ANKFN1: variants seen among roughly 807,000 people sequenced by gnomAD.
ANKFN1 encodes the protein ankyrin repeat and fibronectin type-III domain-containing protein 1.
ANKFN1 carries 74 observed loss-of-function variants against 108.7 expected under a neutral mutation model. The observed-to-expected ratio is 0.68, with a 90% CI of 0.56 to 0.83. The LOEUF is 0.83. Among genes scored for constraint, ANKFN1 ranks in the 40% least tolerant of loss-of-function variants. The pLI, the probability that ANKFN1 is intolerant of heterozygous loss-of-function variation, is 0.00. For synonymous variants in ANKFN1, 547 were observed against 516.2 expected (o/e 1.06, Z -0.81); for missense variants, 1,505 against 1,382.3 (o/e 1.09, Z -1.41).
intron 1 of ANKFN1, among the ~76,000 whole-genome samples, chr17:56,168,750 A>C (rs1910385939): frequency 6.6e-6 from 1 of 152,180 alleles, no homozygotes; most frequent in South Asian, 2.1e-4. Context: ...TATTATTATG[A>C]GGCATCTTTT....
intron 11 of ANKFN1, among the ~76,000 whole-genome samples, chr17:56,453,065 C>T (rs2049547808): frequency 1.3e-5 from 2 of 151,790 alleles, no homozygotes; most frequent in Non-Finnish European, 2.9e-5. Context: ...CCATTTTTTT[C>T]CTCCCCAAAG....
rs1465454531 is a variant in ANKFN1, at chr17:56,055,571, ATATATATATATATATATG to A, written c.288+9255_288+9272del. On this transcript the variant is annotated intron_variant, in intron 4 of 12. Coordinates refer to the ANKFN1 transcript ENST00000635860. ...GTGTGTGTGTGGTATATATACATATATATATATATATATATATGTATATATACACATTTTTTTATCCAG... is the reference window on the plus strand; with the variant it reads ...GTGTGTGTGTGGTATATATACATATATATATATACACATTTTTTTATCCAG... 1.7e-3 allele frequency among the ~76,000 whole-genome samples: 174 copies of A among 101,768 alleles called. 10 individuals carry two copies. The highest frequency in any genetic ancestry group is 5.2e-3 in the Admixed American group (58 of 11,092). 66.8% of individuals were successfully genotyped at this position (101,768 alleles called of 152,430 possible). A position where few individuals can be genotyped will look rare whatever the true frequency, so the allele number is the denominator to read the frequency against.
At position 56,408,604 on chromosome 17, in the gene ANKFN1, T is replaced by A. The variant is rs1238720543; in HGVS notation, c.911-31723T>A. ...TATTGCAGAAAAAGAGATGAGATGG[T>A]CAGAGATACTAAGGTTAGATTATTG... On this transcript the variant is annotated intron_variant, in intron 8 of 20. Transcript: ENST00000682825. Among the ~76,000 whole-genome samples, 4 of 152,292 alleles carry A rather than the reference T, an allele frequency of 2.6e-5. No homozygotes were observed. In the East Asian group the frequency reaches 7.7e-4, roughly 29 times the overall value.
chr17:56,314,335 A>G (rs1304434477), intron 3 of ANKFN1, among the ~76,000 whole-genome samples: 2 of 152,188 alleles, frequency 1.3e-5, no homozygotes, highest in South Asian at 2.1e-4. Flanking sequence ...TTAACTTTGT[A>G]AAAGACTGTC....
intron 4 of ANKFN1, among the ~76,000 whole-genome samples, chr17:56,125,177 C>A (rs898906473): frequency 1.3e-5 from 2 of 152,216 alleles, no homozygotes; most frequent in African/African-American, 4.8e-5. Context: ...GGAATTGACA[C>A]TTTTGACCTT....
At chr17:56,112,967 C>T (rs758956551) in intron 4 of ANKFN1, among the ~76,000 whole-genome samples, 24 of 152,086 alleles carry the variant, frequency 1.6e-4, no homozygotes, top group African/African-American at 5.3e-4. Context: ...TTCTATATGA[C>T]GTAGTATTTC....
chr17:56,341,151 T>C lies in ANKFN1; in HGVS notation c.189-9615T>C, dbSNP rs140394270. 5.6e-3 allele frequency among the ~76,000 whole-genome samples: 845 copies of C among 152,246 alleles called. 5 individuals carry two copies. The highest frequency in any genetic ancestry group is 0.018 in the African/African-American group (768 of 41,558). On this transcript the variant is annotated intron_variant, in intron 4 of 20. Coordinates refer to ENST00000682825, the MANE Select transcript of ANKFN1 (RefSeq NM_001370326.1). ...ATGCTAGTAGTTTTGGCACATTGAT[T>C]TTGTATCCTGAGACTTTGCTAAAGT...
chr17:56,212,097 T>C (rs1356633406), intron 1 of ANKFN1, among the ~76,000 whole-genome samples: 1 of 151,926 alleles, frequency 6.6e-6, no homozygotes, highest in Non-Finnish European at 1.5e-5. Flanking sequence ...GCAGCGAGAG[T>C]GGGCATCCTT....
intron 1 of ANKFN1, among the ~76,000 whole-genome samples, chr17:56,193,194 T>C (rs1439845994): frequency 5.2e-5 from 6 of 115,662 alleles, no homozygotes; most frequent in Admixed American, 1.0e-4. Flanking sequence ...TAGGTGGGAA[T>C]TGAACAATGA....
intron 3 of ANKFN1, among the ~76,000 whole-genome samples, chr17:56,322,191 C>T (rs1313046033): frequency 6.6e-6 from 1 of 152,128 alleles, no homozygotes; most frequent in East Asian, 1.9e-4. Flanking sequence ...GGTGTATGTA[C>T]TGGAATAAAT....
At chr17:56,101,074 G>A (rs868277780) in intron 4 of ANKFN1, among the ~76,000 whole-genome samples, 13 of 152,134 alleles carry the variant, frequency 8.5e-5, no homozygotes, top group African/African-American at 2.7e-4. Flanking sequence ...TCTGCCGTAC[G>A]TGGATACAAT....
intron 7 of ANKFN1, among the ~76,000 whole-genome samples, chr17:56,374,243 G>A (rs751336282): frequency 6.6e-6 from 1 of 152,158 alleles, no homozygotes; most frequent in African/African-American, 2.4e-5. Context: ...CCAGTGAAAC[G>A]ATGTACTTTA....
chr17:56,138,916 A>T (rs2143383889), intron 4 of ANKFN1, among the ~76,000 whole-genome samples: 1 of 152,248 alleles, frequency 6.6e-6, no homozygotes, highest in East Asian at 1.9e-4. Context: ...ATTGAGGGAG[A>T]ACAATTAAGC....
At position 56,410,317 on chromosome 17, in the gene ANKFN1, G is replaced by A. The variant is rs1447181784; in HGVS notation, c.911-30010G>A. Among the ~76,000 whole-genome samples the A allele has an allele frequency of 3.3e-5, 5 of 152,180 alleles. No individual in the cohort carries two copies. In the East Asian group the frequency reaches 5.8e-4, roughly 18 times the overall value. ...TCACCATATTGGCCAGGATGGTCTC[G>A]ATCACTTGACCTCATGATCCGCCCA... On this transcript the variant is annotated intron_variant, in intron 8 of 20. Coordinates refer to ENST00000682825, the MANE Select transcript of ANKFN1 (RefSeq NM_001370326.1).
chr17:56,324,645 G>A lies in ANKFN1; in HGVS notation c.54-1576G>A, dbSNP rs544928972. ...TGGCCTAAGGTGTGCAAGAGAAGCC[G>A]GACTCTTTCTTAATCCTTGATGAAA... On this transcript the variant is annotated intron_variant, in intron 3 of 20. Transcript: ENST00000682825. Among the ~76,000 whole-genome samples, 11 of 152,220 alleles carry A rather than the reference G, an allele frequency of 7.2e-5. No homozygotes were observed. The East Asian group carries it at 7.7e-4, about 11-fold the overall frequency.
At chr17:56,495,004 C>T (rs770404992) in intron 19 of ANKFN1, among the ~76,000 whole-genome samples, 4 of 152,048 alleles carry the variant, frequency 2.6e-5, no homozygotes, top group Non-Finnish European at 4.4e-5. Context: ...TTATGTCACA[C>T]CATTAAGTGG....
At chr17:56,140,581 C>T (rs538436056) in intron 4 of ANKFN1, among the ~76,000 whole-genome samples, 1 of 152,130 alleles carries the variant, frequency 6.6e-6, no homozygotes, top group Non-Finnish European at 1.5e-5. Flanking sequence ...CCGACTCTGC[C>T]ACCTAGTAGC....
At chr17:56,086,231 A>C (rs1816364) in intron 4 of ANKFN1, among the ~76,000 whole-genome samples, 2 of 150,484 alleles carry the variant, frequency 1.3e-5, no homozygotes, top group Non-Finnish European at 3.0e-5. Context: ...ACATGGTGAA[A>C]TCATCTCTAC....
intron 8 of ANKFN1, among the ~76,000 whole-genome samples, chr17:56,427,072 A>G (rs1049995963): frequency 2.0e-5 from 3 of 152,248 alleles, no homozygotes; most frequent in African/African-American, 7.2e-5. Context: ...CAGAGGGAAG[A>G]AGACTGGGGC....
Sources: gnomAD v4.1 joint callset for allele counts (sites outside exome capture counted in the v4.1 genomes callset) on GRCh38, gnomAD v4.1.1 for gene constraint, MANE v1.5 for transcripts, NCBI Gene and HGNC (gene_info 2026-07-23, HGNC 2026-07-21) for gene names.